PGM3: variants seen among roughly 807,000 people sequenced by gnomAD.
The protein encoded by PGM3 is phosphoacetylglucosamine mutase.
Under a neutral mutation model 66.2 loss-of-function variants are expected in PGM3, and 40 were observed. That is an observed-to-expected ratio of 0.60 (90% CI 0.47 to 0.79). The LOEUF is 0.79. Ranked by LOEUF, PGM3 falls within the 30% of genes least tolerant of loss-of-function variation. The probability of loss-of-function intolerance (pLI) is 0.00; values close to 1 mark genes in which losing one functional copy is unlikely to be tolerated. For missense variants in PGM3, 537 were observed against 643.4 expected, an observed-to-expected ratio of 0.83 and a Z score of 1.79; for synonymous variants, 191 against 224.2, an observed-to-expected ratio of 0.85 and a Z score of 1.32.
intron 6 of PGM3, among the ~76,000 whole-genome samples, chr6:83,180,947 C>T (rs1052124331): frequency 6.6e-6 from 1 of 152,160 alleles, no homozygotes; most frequent in Non-Finnish European, 1.5e-5. Context: ...CATGTGTGAA[C>T]ATTTTCTGAT....
downstream of PGM3, chr6:83,156,179 T>A (rs1782743353): frequency 8.4e-7 from 1 of 1,185,954 alleles, no homozygotes; most frequent in Non-Finnish European, 1.2e-6. Context: ...CTCTAAATAC[T>A]AAGTTGGGGT....
chr6:83,171,588 T>A (rs1414773337), intron 11 of PGM3, among the ~76,000 whole-genome samples: 1 of 152,222 alleles, frequency 6.6e-6, no homozygotes, highest in African/African-American at 2.4e-5. Context: ...CCTCCCAGGT[T>A]CAAGTGATTC....
downstream of PGM3, chr6:83,159,985 T>C (rs767457424): frequency 1.2e-6 from 2 of 1,609,802 alleles, no homozygotes; most frequent in Non-Finnish European, 1.7e-6. Flanking sequence ...GGATATTAAA[T>C]GGTTATTTTT....
chr6:83,174,457 T>C lies in PGM3; in HGVS notation c.1159A>G (p.Ile387Val). 7 of 1,602,626 alleles carry C rather than the reference T, an allele frequency of 4.4e-6. No homozygotes were observed. The highest frequency in any genetic ancestry group is 6.0e-6 in the Non-Finnish European group (7 of 1,172,786). Residue 387 changes from isoleucine to valine, a missense_variant, in exon 10 of 13, where the codon ATA (isoleucine) becomes GTA (valine). Physicochemically the swap from Ile to Val is conservative, Grantham distance 29 (BLOSUM62 3). Coordinates refer to ENST00000513973, the MANE Select transcript of PGM3 (RefSeq NM_015599.3). Reference protein sequence around the residue: ...ALFSTAVEMKIKQSAEQLEDK... With the variant: ...ALFSTAVEMKVKQSAEQLEDK... ...TCCAGTTGTTCTGCTGATTGTTTTA[T>C]CTTCATTTCAACAGCTGTACTAAAC...
Position 83,168,171 on chromosome 6 carries a change from C to A in PGM3, c.*1063G>T. 1 of 1,608,660 alleles carries A rather than the reference C, an allele frequency of 6.2e-7. No individual in the cohort carries two copies. Among genetic ancestry groups the A allele is most frequent in the Non-Finnish European group, 8.5e-7 (1 of 1,177,926 alleles). On this transcript the variant is annotated 3_prime_UTR_variant, in exon 13 of 13. Coordinates refer to ENST00000513973, the MANE Select transcript of PGM3 (RefSeq NM_015599.3). ...GGAAGGGATGATAAAAACTTGAGCA[C>A]CATTGCTGGTTCCATTTAGCTTACA...
intron 10 of PGM3, among the ~76,000 whole-genome samples, 180 bp downstream of exon 10, chr6:83,174,194 A>AT (rs1660832610): frequency 6.6e-6 from 1 of 152,342 alleles, no homozygotes; most frequent in Admixed American, 6.5e-5. Flanking sequence ...AGGGAAGCAT[A>AT]TTAAAAAATG....
At position 83,167,832 on chromosome 6, in the gene PGM3, T is replaced by G; in HGVS notation, c.*1402A>C. ...TAACATACCACATTGTCTGTTGTAT[T>G]AATACCAGTTCACTTTTTGTTTTCT... On this transcript the variant is annotated 3_prime_UTR_variant, in exon 13 of 13. Coordinates refer to ENST00000513973, the MANE Select transcript of PGM3 (RefSeq NM_015599.3). 2 of 1,582,788 alleles carry G rather than the reference T, an allele frequency of 1.3e-6. No homozygotes were observed. The highest frequency in any genetic ancestry group is 1.7e-6 in the Non-Finnish European group (2 of 1,164,342).
At chr6:83,155,253 G>T in the PGM3 span, among the ~76,000 whole-genome samples, 1 of 151,024 alleles carries the variant, frequency 6.6e-6, no homozygotes, top group South Asian at 2.1e-4. Flanking sequence ...TTTGAGGCCA[G>T]GAGTTTGAGA....
At chr6:83,186,630 G>C (rs925160569) in intron 4 of PGM3, among the ~76,000 whole-genome samples, 1 of 152,180 alleles carries the variant, frequency 6.6e-6, no homozygotes, top group Non-Finnish European at 1.5e-5. Context: ...ACAGGTAACA[G>C]CTGATTTCAC....
At chr6:83,169,746 C>G (rs1465102605) in intron 12 of PGM3, 1 of 458,260 alleles carries the variant, frequency 2.2e-6, no homozygotes, top group African/African-American at 2.0e-5. Context: ...ATTCCCTATT[C>G]AGCGCACTCA....
In PGM3 at chr6:83,166,833, C is replaced by T; in HGVS notation, c.*2401G>A. 2.0e-6 allele frequency: 2 copies of T among 1,007,260 alleles called. No homozygotes were observed. Among genetic ancestry groups the T allele is most frequent in the Non-Finnish European group, 2.4e-6 (2 of 844,966 alleles). 62.4% of individuals were successfully genotyped at this position (1,007,260 alleles called of 1,614,324 possible). On this transcript the variant is annotated 3_prime_UTR_variant, in exon 13 of 13. Coordinates refer to ENST00000513973, the MANE Select transcript of PGM3 (RefSeq NM_015599.3). ...GTAAACAATGAAAGTTTCTGAGCAA[C>T]ATCTGATCTTAGAAGGCAAACTCCA...
At chr6:83,188,419 C>T in intron 3 of PGM3, 195 bp downstream of exon 3, 1 of 504,888 alleles carries the variant, frequency 2.0e-6, no homozygotes, top group African/African-American at 1.9e-5. Flanking sequence ...GGTTTTAAAC[C>T]AGAGTCAGAC....
Position 83,165,078 on chromosome 6 carries a change from A to T in PGM3, c.*4156T>A. The stretch of plus-strand genomic sequence containing the variant: ...TTTGGAAGTTAGCTATATAGAGGGT[A>T]CAAGGATATTCATTTTCCTTCAGGA... On this transcript the variant is annotated 3_prime_UTR_variant, in exon 13 of 13. Coordinates refer to ENST00000513973, the MANE Select transcript of PGM3 (RefSeq NM_015599.3). The T allele has an allele frequency of 5.5e-6, 1 of 180,274 alleles. No homozygotes were observed. The highest frequency in any genetic ancestry group is 1.6e-4 in the East Asian group (1 of 6,350). 11.2% of individuals were successfully genotyped at this position (180,274 alleles called of 1,614,324 possible). A position where few individuals can be genotyped will look rare whatever the true frequency, so the allele number is the denominator to read the frequency against.
Position 83,182,993 on chromosome 6 carries a change from C to T in PGM3, c.458-15G>A. The T allele has an allele frequency of 1.0e-5, 16 of 1,603,530 alleles. No individual in the cohort carries two copies. The highest frequency in any genetic ancestry group is 1.4e-5 in the Non-Finnish European group (16 of 1,175,008). ...CAAGCCATAATCTGTCATAGAAATA[C>T]AAAAAGCAATTCACCGCATTTCTTA... is the stretch of plus-strand genomic sequence containing the variant. On this transcript the variant is annotated splice_polypyrimidine_tract_variant and intron_variant, in intron 4 of 12. Transcript: ENST00000513973.
downstream of PGM3, among the ~76,000 whole-genome samples, chr6:83,163,849 T>C (rs1215097788): frequency 6.6e-6 from 1 of 152,046 alleles, no homozygotes; most frequent in Non-Finnish European, 1.5e-5. Flanking sequence ...GGGAATTTAC[T>C]TAAAACATAT....
intron 4 of PGM3, among the ~76,000 whole-genome samples, chr6:83,186,398 C>A (rs1395760581): frequency 6.6e-6 from 1 of 152,090 alleles, no homozygotes; most frequent in Admixed American, 6.5e-5. Context: ...GGAACACAGT[C>A]GGAACTCGAG....
chr6:83,158,476 G>C, downstream of PGM3: 1 of 986,778 alleles, frequency 1.0e-6, no homozygotes. Context: ...TCTAAAATTT[G>C]TTTTTGCGTT....
At chr6:83,161,176 T>C (rs1405578326), downstream of PGM3, 2 of 152,176 alleles carry the variant, frequency 1.3e-5, no homozygotes, top group Non-Finnish European at 2.9e-5. Context: ...ATGCTCATGA[T>C]ACTGACTTTT....
chr6:83,174,169 A>G lies in PGM3; in HGVS notation c.1242+205T>C, dbSNP rs1787573296. Among the ~76,000 whole-genome samples the G allele has an allele frequency of 2.6e-5, 4 of 152,206 alleles. No individual in the cohort carries two copies. The South Asian group carries it at 6.2e-4, about 24-fold the overall frequency. On this transcript the variant is annotated intron_variant, in intron 10 of 12. Transcript: ENST00000513973. Reference sequence around the variant, plus strand: ...CCCAATATACTTGAAAATTTCCATCATAAGAGGTAGGGGAAGGGAAGCATA... The same window carrying G: ...CCCAATATACTTGAAAATTTCCATCGTAAGAGGTAGGGGAAGGGAAGCATA...
Sources: gnomAD v4.1 joint callset for allele counts (sites outside exome capture counted in the v4.1 genomes callset) on GRCh38, gnomAD v4.1.1 for gene constraint, MANE v1.5 for transcripts, NCBI Gene and HGNC (gene_info 2026-07-23, HGNC 2026-07-21) for gene names.